The following LBHD1 variants were observed in gnomAD, a reference collection of about 807,000 sequenced individuals.
The protein encoded by LBHD1 is LBH domain containing 1, also known as LBH domain-containing protein 1.
In LBHD1, 28 loss-of-function variants were observed where a neutral mutation model predicts 31.1. The observed-to-expected ratio is 0.90, with a 90% CI of 0.67 to 1.24. LBHD1 has a LOEUF of 1.24. LBHD1 is among the 50% of genes most tolerant of loss of function. The pLI, the probability that LBHD1 is intolerant of heterozygous loss-of-function variation, is 0.00. For missense variants in LBHD1, 350 were observed against 323.0 expected (o/e 1.08, Z -0.64); for synonymous variants, 105 against 116.5 (o/e 0.90, Z 0.63).
chr11:62,667,549 T>C lies in LBHD1; in HGVS notation c.512A>G (p.His171Arg), dbSNP rs926273105. Residue 171 changes from histidine to arginine, a missense_variant, in exon 4 of 7, where the codon CAT becomes CGT. Physicochemically the swap from His to Arg is conservative, Grantham distance 29. Coordinates refer to ENST00000354588, the MANE Select transcript of LBHD1 (RefSeq NM_024099.5). ...CTCAAAGCTATTAGGAGGCAGGAGA[T>C]GGGAATATTCCACAAAGCCACTTCT... ...VCRSGFVEYSHLLPPNSFEGA... is the reference protein window; with the variant it reads ...VCRSGFVEYSRLLPPNSFEGA... 4 of 1,614,152 alleles carry C rather than the reference T, an allele frequency of 2.5e-6. No homozygotes were observed. The highest frequency in any genetic ancestry group is 2.5e-6 in the Non-Finnish European group (3 of 1,180,032).
Position 62,663,330 on chromosome 11 carries a change from G to A in LBHD1, c.667C>T (p.Gln223Ter). The A allele has an allele frequency of 3.7e-6, 6 of 1,613,528 alleles. No homozygotes were observed. The highest frequency in any genetic ancestry group is 5.1e-6 in the Non-Finnish European group (6 of 1,179,674). Reference sequence around the variant, plus strand: ...ACAGTGTAATGTTGGCACGTGCACTGGACCTGATGGGTAAGTGGAAATAAA... The same window carrying A: ...ACAGTGTAATGTTGGCACGTGCACTAGACCTGATGGGTAAGTGGAAATAAA... ...HAAPPQEAGV[Q>*]CTCQHYTVRE... is the part of the protein sequence containing the mutation. Residue 223 changes from glutamine to a stop codon, truncating the protein, a stop_gained, in exon 6 of 7, where the codon CAG becomes TAG. Coordinates refer to ENST00000354588, the MANE Select transcript of LBHD1 (RefSeq NM_024099.5). LOFTEE classifies it high-confidence loss of function.
At chr11:62,666,949 C>A in intron 4 of LBHD1, 1 of 1,614,188 alleles carries the variant, frequency 6.2e-7, no homozygotes, top group Non-Finnish European at 8.5e-7. Context: ...TGCGACTGCC[C>A]TGCCTGGAAC....
Position 62,663,293 on chromosome 11 carries a change from G to T in LBHD1, c.704C>A (p.Ala235Glu), listed in dbSNP as rs778053813. ...TCQHYTVREE[A>E]QKTPPADPAC... ...CGGATCTGCTGGAGGAGTTTTCTGC[G>T]CTTCTTCCCTGACAGTGTAATGTTG... Residue 235 changes from alanine to glutamate, a missense_variant, in exon 6 of 7, where the codon GCG (alanine) becomes GAG (glutamate). Transcript: ENST00000354588. 1.9e-6 allele frequency: 3 copies of T among 1,614,150 alleles called. No homozygotes were observed. The highest frequency in any genetic ancestry group is 1.3e-5 in the African/African-American group (1 of 75,030).
chr11:62,666,309 CAAAA>C (rs745593794), intron 4 of LBHD1: 20 of 1,213,410 alleles, frequency 1.6e-5, no homozygotes, highest in African/African-American at 4.7e-5. Flanking sequence ...GACCCTGTCT[CAAAA>C]AAAAAAAAGA....
Position 62,671,936 on chromosome 11 carries a change from C to T in LBHD1, c.-383G>A. 1 of 1,613,500 alleles carries T rather than the reference C, an allele frequency of 6.2e-7. No individual in the cohort carries two copies. The highest frequency in any genetic ancestry group is 8.5e-7 in the Non-Finnish European group (1 of 1,179,594). On this transcript the variant is annotated 5_prime_UTR_variant, in exon 1 of 7. Transcript: ENST00000354588. ...CCCCGGACTGGAGCTCCTGCGAACT[C>T]CCCTTCCTGCCCTCAGGAGATGCCA... is the stretch of plus-strand genomic sequence containing the variant.
chr11:62,665,656 C>T, intron 4 of LBHD1: 1 of 1,489,690 alleles, frequency 6.7e-7, no homozygotes, highest in Non-Finnish European at 8.9e-7. Context: ...GGTCTGCGGA[C>T]GCTGTATACC....
intron 3 of LBHD1, 123 bp from the exon 4 acceptor site, chr11:62,667,870 T>C (rs908850781): frequency 1.5e-6 from 1 of 687,230 alleles, no homozygotes; most frequent in Non-Finnish European, 2.5e-6. Flanking sequence ...GTGGGCAGAT[T>C]GCTTGAGCCC....
intron 3 of LBHD1, 77 bp downstream of exon 3, chr11:62,669,564 C>A (rs1944901085): frequency 6.5e-7 from 1 of 1,546,920 alleles, no homozygotes; most frequent in East Asian, 2.3e-5. Context: ...AATGCAGGGG[C>A]CGTAACTGAC....
intron 4 of LBHD1, chr11:62,665,668 T>C (rs1590847932): frequency 6.8e-7 from 1 of 1,466,616 alleles, no homozygotes; most frequent in Non-Finnish European, 9.0e-7. Context: ...CTGTATACCC[T>C]CCTCCACTTC....
At chr11:62,665,842 A>C (rs138999399) in intron 4 of LBHD1, 31 of 1,607,598 alleles carry the variant, frequency 1.9e-5, no homozygotes, top group Non-Finnish European at 2.6e-5. Flanking sequence ...TGGACGCTTC[A>C]CATAAGCTTC....
Position 62,669,991 on chromosome 11 carries a change from C to A in LBHD1, c.41G>T (p.Trp14Leu). 6.2e-7 allele frequency: 1 copy of A among 1,613,702 alleles called. No individual in the cohort carries two copies. The highest frequency in any genetic ancestry group is 8.5e-7 in the Non-Finnish European group (1 of 1,179,914). Residue 14 changes from tryptophan to leucine, a missense_variant, in exon 2 of 7, where the codon TGG (tryptophan) becomes TTG (leucine). By Grantham distance (61) the Trp-to-Leu change is moderately conservative. Coordinates refer to ENST00000354588, the MANE Select transcript of LBHD1 (RefSeq NM_024099.5). Reference protein sequence around the residue: ...VPGRSKEDGLWTRNSPGSSQH... With the variant: ...VPGRSKEDGLLTRNSPGSSQH... The stretch of plus-strand genomic sequence containing the variant: ...GGAGGAGCCTGGGCTATTTCTAGTC[C>A]AAAGCCCATCCTCCTTGCTTCTCCC...
chr11:62,664,749 G>A, intron 5 of LBHD1, 100 bp downstream of exon 5: 4 of 1,445,366 alleles, frequency 2.8e-6, no homozygotes, highest in Non-Finnish European at 1.9e-6. Context: ...ATAAGCGTCA[G>A]TGCACAAGGT....
chr11:62,663,115 T>G lies in LBHD1; in HGVS notation c.*14A>C, dbSNP rs761860938. The stretch of plus-strand genomic sequence containing the variant: ...GGGGCTTTTGTCTTCTTTTGCCTTT[T>G]GAGCTGTGGTTCACTAGTCCTGGCT... On this transcript the variant is annotated 3_prime_UTR_variant, in exon 7 of 7. Coordinates refer to ENST00000354588, the MANE Select transcript of LBHD1 (RefSeq NM_024099.5). The G allele has an allele frequency of 6.2e-7, 1 of 1,614,044 alleles. No homozygotes were observed. Among genetic ancestry groups the G allele is most frequent in the Non-Finnish European group, 8.5e-7 (1 of 1,179,932 alleles).
At chr11:62,671,092 C>A in intron 1 of LBHD1, 1 of 347,504 alleles carries the variant, frequency 2.9e-6, no homozygotes, top group Non-Finnish European at 5.7e-6. Context: ...AGAGCGAGAC[C>A]TTGTCTCCAA....
chr11:62,665,279 G>A (rs1944764870), intron 4 of LBHD1: 1 of 739,694 alleles, frequency 1.4e-6, no homozygotes, highest in Non-Finnish European at 2.3e-6. Context: ...CGGGTCCTCG[G>A]GCTATATAAA....
chr11:62,665,216 C>T (rs371889644), intron 4 of LBHD1: 8 of 789,020 alleles, frequency 1.0e-5, no homozygotes, highest in African/African-American at 5.1e-5. Flanking sequence ...CGCTCAGCGC[C>T]GGATCCGCGG....
intron 4 of LBHD1, chr11:62,667,035 T>A (rs1309598016): frequency 6.2e-7 from 1 of 1,602,356 alleles, no homozygotes; most frequent in Admixed American, 1.7e-5. Flanking sequence ...GCTTACTTGA[T>A]TCAAGGCTCT....
At chr11:62,665,713 T>C in intron 4 of LBHD1, 1 of 1,462,670 alleles carries the variant, frequency 6.8e-7, no homozygotes, top group Non-Finnish European at 9.0e-7. Flanking sequence ...CCTACCATAG[T>C]CTGTGTCCGC....
Position 62,664,936 on chromosome 11 carries a change from A to G in LBHD1, c.576T>C (p.Val192=). The change falls in exon 5 of 7, where the codon GTT becomes GTC. Residue 192 remains valine (V), a synonymous_variant. Transcript: ENST00000354588. The part of the protein sequence containing the change: ...EEEAVQTPAG[V]ESGAASEAPG... ...GTGCCTCAGACGCCGCTCCCGATTC[A>G]ACACCCGCCGGCGTTTGAACAGCTT... is the stretch of plus-strand genomic sequence containing the variant. The G allele has an allele frequency of 6.2e-7, 1 of 1,608,672 alleles. No homozygotes were observed. The highest frequency in any genetic ancestry group is 1.3e-5 in the African/African-American group (1 of 74,940).
Sources: gnomAD v4.1 joint callset for allele counts on GRCh38, gnomAD v4.1.1 for gene constraint, MANE v1.5 for transcripts, NCBI Gene and HGNC (gene_info 2026-07-23, HGNC 2026-07-21) for gene names.